Variants in ACAP2 observed in about 807,000 individuals in gnomAD.
The protein encoded by ACAP2 is ArfGAP with coiled-coil, ankyrin repeat and PH domains 2.
A neutral mutation model predicts 115.8 loss-of-function variants in ACAP2; 39 were observed. The observed-to-expected ratio is 0.34, with a 90% CI of 0.26 to 0.44. The LOEUF (loss-of-function observed/expected upper bound fraction) is 0.44. Ranked by LOEUF, ACAP2 falls within the 20% of genes least tolerant of loss-of-function variation. The pLI, the probability that ACAP2 is intolerant of heterozygous loss-of-function variation, is 1.00. For missense variants in ACAP2, 662 were observed against 927.6 expected (o/e 0.71, Z 3.72); for synonymous variants, 289 against 315.8 (o/e 0.92, Z 0.90).
rs61206757 is a variant in ACAP2, at chr3:195,404,213, G to C, written c.54-12066C>G. 7.7e-3 allele frequency among the ~76,000 whole-genome samples: 1,170 copies of C among 152,086 alleles called. 14 individuals are homozygous for C. The highest frequency in any genetic ancestry group is 0.027 in the African/African-American group (1,115 of 41,476). On this transcript the variant is annotated intron_variant, in intron 1 of 22. Transcript: ENST00000326793. Reference sequence around the variant, plus strand: ...AACCAAGAGGGTGTCATAGAGAAGGGAAGTGAAAAAAGTGTTATCAAGGAA... The same window carrying C: ...AACCAAGAGGGTGTCATAGAGAAGGCAAGTGAAAAAAGTGTTATCAAGGAA...
In ACAP2 at chr3:195,285,786, G is replaced by C; in HGVS notation, c.2236+10C>G. ...CTGCATTTCAGTATGGTTATTAGTA[G>C]AATATTGACCTGGCTGTCCATAAAG... On this transcript the variant is annotated intron_variant, in intron 22 of 22. Transcript: ENST00000326793. The C allele has an allele frequency of 6.2e-7, 1 of 1,604,620 alleles. No homozygotes were observed. The highest frequency in any genetic ancestry group is 8.5e-7 in the Non-Finnish European group (1 of 1,173,560).
intron 3 of ACAP2, among the ~76,000 whole-genome samples, chr3:195,381,353 G>T (rs1733926695): frequency 6.6e-6 from 1 of 152,114 alleles, no homozygotes; most frequent in African/African-American, 2.4e-5. Context: ...TGTTTTGCGT[G>T]TATCAAGATG....
chr3:195,433,053 C>T (rs1202826255), intron 1 of ACAP2, among the ~76,000 whole-genome samples: 1 of 152,126 alleles, frequency 6.6e-6, no homozygotes, highest in Non-Finnish European at 1.5e-5. Flanking sequence ...ATACCTTCAT[C>T]CCTTGGTATC....
intron 1 of ACAP2, among the ~76,000 whole-genome samples, chr3:195,429,314 G>C (rs1363668400): frequency 1.3e-5 from 2 of 150,986 alleles, no homozygotes; most frequent in African/African-American, 4.9e-5. Flanking sequence ...CTTGAACCCA[G>C]GAGGCAGTGA....
intron 13 of ACAP2, among the ~76,000 whole-genome samples, chr3:195,305,321 G>C (rs1236176479): frequency 6.6e-6 from 1 of 152,030 alleles, no homozygotes; most frequent in African/African-American, 2.4e-5. Context: ...AAATACAGCA[G>C]GTCATTAATA....
In ACAP2 at chr3:195,276,834, AAT is replaced by A. The variant is rs1461836636; in HGVS notation, c.*2492_*2493del. 1 of 152,228 alleles carries A rather than the reference AAT, an allele frequency of 6.6e-6. No individual in the cohort carries two copies. Among genetic ancestry groups the A allele is most frequent in the Non-Finnish European group, 1.5e-5 (1 of 68,030 alleles). 9.4% of individuals were successfully genotyped at this position (152,228 alleles called of 1,614,324 possible). On this transcript the variant is annotated 3_prime_UTR_variant, in exon 23 of 23. Coordinates refer to ENST00000326793, the MANE Select transcript of ACAP2 (RefSeq NM_012287.6). ...GCTGTTTACTCCATCATTTCTGCCA[AAT>A]GTAGTCCAAATTGGGTCTCAGCATA...
intron 5 of ACAP2, among the ~76,000 whole-genome samples, chr3:195,344,829 T>C (rs778200395): frequency 2.0e-4 from 31 of 152,222 alleles, no homozygotes; most frequent in Non-Finnish European, 4.0e-4. Context: ...CCAAAAATCA[T>C]GTACTTTCAT....
chr3:195,344,921 A>G (rs1221500058), intron 5 of ACAP2, among the ~76,000 whole-genome samples: 1 of 152,224 alleles, frequency 6.6e-6, no homozygotes, highest in Admixed American at 6.5e-5. Flanking sequence ...TTCAACTACA[A>G]TAACTAATAG....
At chr3:195,325,408 GGACT>G (rs1265027232) in intron 9 of ACAP2, 9 of 415,068 alleles carry the variant, frequency 2.2e-5, no homozygotes, top group East Asian at 1.5e-4. Context: ...AGTTTTTAGT[GGACT>G]GATTTTTTTT....
intron 1 of ACAP2, among the ~76,000 whole-genome samples, chr3:195,399,176 C>T (rs934024073): frequency 1.3e-5 from 2 of 151,954 alleles, no homozygotes; most frequent in African/African-American, 4.8e-5. Flanking sequence ...AATGTTTAAG[C>T]CATAAAAAAA....
chr3:195,432,494 C>T (rs1715210398), intron 1 of ACAP2, among the ~76,000 whole-genome samples: 1 of 152,180 alleles, frequency 6.6e-6, no homozygotes, highest in Admixed American at 6.5e-5. Flanking sequence ...AACTGGCTCA[C>T]CATAAATGCA....
At chr3:195,378,748 C>T (rs999188238) in intron 4 of ACAP2, among the ~76,000 whole-genome samples, 1 of 150,976 alleles carries the variant, frequency 6.6e-6, no homozygotes, top group Admixed American at 6.6e-5. Flanking sequence ...GTAGCCCCAG[C>T]AACTTGGGAG....
chr3:195,292,126 CTAT>C (rs1727296443), intron 19 of ACAP2, 136 bp downstream of exon 19: 1 of 1,082,214 alleles, frequency 9.2e-7, no homozygotes. Context: ...GAAACCACTA[CTAT>C]TAATAGCACA....
chr3:195,441,289 C>T (rs1422344444), intron 1 of ACAP2, among the ~76,000 whole-genome samples: 1 of 152,170 alleles, frequency 6.6e-6, no homozygotes, highest in Non-Finnish European at 1.5e-5. Context: ...AAAAATTACT[C>T]CACTTGCCAT....
chr3:195,402,604 A>G (rs1360595183), intron 1 of ACAP2, among the ~76,000 whole-genome samples: 1 of 152,202 alleles, frequency 6.6e-6, no homozygotes, highest in African/African-American at 2.4e-5. Flanking sequence ...TTGGACTTCT[A>G]AAACAGGCCT....
intron 1 of ACAP2, among the ~76,000 whole-genome samples, chr3:195,410,282 G>A (rs1183158889): frequency 6.6e-6 from 1 of 152,158 alleles, no homozygotes; most frequent in Non-Finnish European, 1.5e-5. Flanking sequence ...AGAGATCCAT[G>A]ACTGAAATGT....
chr3:195,411,420 G>A (rs1051129697), intron 1 of ACAP2, among the ~76,000 whole-genome samples: 6 of 152,136 alleles, frequency 3.9e-5, no homozygotes, highest in South Asian at 2.1e-4. Context: ...ACAACATGAC[G>A]TGTGCATATA....
rs1726191574 is a variant in ACAP2 at position 195,276,547 on chromosome 3, T to G, written c.*2781A>C. 1 of 152,142 alleles carries G rather than the reference T, an allele frequency of 6.6e-6. No homozygotes were observed. The highest frequency in any genetic ancestry group is 1.5e-5 in the Non-Finnish European group (1 of 68,016). The allele number at this position is 152,142 out of a possible 1,614,324, so 9.4% of individuals were successfully genotyped here. On this transcript the variant is annotated 3_prime_UTR_variant, in exon 23 of 23. Coordinates refer to ENST00000326793, the MANE Select transcript of ACAP2 (RefSeq NM_012287.6). ...TCTAACTTTCAAGTTAGTAAGCTAA[T>G]GATAATGAGCTAACAGATTAATAAT... is the stretch of plus-strand genomic sequence containing the variant.
chr3:195,311,639 C>T (rs1286949026), intron 10 of ACAP2, among the ~76,000 whole-genome samples: 14 of 152,212 alleles, frequency 9.2e-5, no homozygotes, highest in Non-Finnish European at 1.6e-4. Context: ...TGAGTTCAAG[C>T]GATTCTCCTG....
Sources: allele counts gnomAD v4.1 joint callset (sites outside exome capture counted in the v4.1 genomes callset), GRCh38; gene constraint gnomAD v4.1.1; transcripts MANE v1.5; gene names NCBI Gene and HGNC (gene_info 2026-07-23, HGNC 2026-07-21).